The following ADD3 variants were observed in gnomAD, a reference collection of about 807,000 sequenced individuals.
ADD3 encodes the protein gamma-adducin.
In ADD3, 25 loss-of-function variants were observed where a neutral mutation model predicts 80.2. The ratio of observed to expected loss-of-function variants is 0.31; its 90% CI spans 0.23 to 0.44. The LOEUF (loss-of-function observed/expected upper bound fraction) is 0.44, where lower values mean the gene tolerates loss of function less well. ADD3 is among the 20% of genes least tolerant of loss of function. The pLI, the probability that ADD3 is intolerant of heterozygous loss-of-function variation, is 1.00. For synonymous variants in ADD3, 284 were observed against 289.6 expected (o/e 0.98, Z 0.20); for missense variants, 829 against 847.5 (o/e 0.98, Z 0.27).
intron 1 of ADD3, among the ~76,000 whole-genome samples, chr10:110,026,615 G>C (rs1450285232): frequency 6.6e-6 from 1 of 152,058 alleles, no homozygotes. Flanking sequence ...TAGGACCCAG[G>C]TACAAGGTCA....
intron 1 of ADD3, among the ~76,000 whole-genome samples, chr10:110,075,231 T>C (rs773444907): frequency 4.6e-5 from 7 of 152,206 alleles, no homozygotes; most frequent in Non-Finnish European, 1.0e-4. Context: ...ATACTAAATC[T>C]GATATCATTG....
chr10:110,014,112 T>C (rs1022970573), intron 1 of ADD3, among the ~76,000 whole-genome samples: 1 of 152,212 alleles, frequency 6.6e-6, no homozygotes, highest in Admixed American at 6.5e-5. Context: ...AGAAGATAGT[T>C]AGGCTTACTT....
chr10:110,122,255 T>C lies in ADD3; in HGVS notation c.1106T>C (p.Ile369Thr). The change falls in exon 9 of 15, where the codon ATT becomes ACT. Residue 369 changes from isoleucine to threonine, a missense_variant. Physicochemically the swap from Ile to Thr is moderately conservative, Grantham distance 89. Transcript: ENST00000356080. ...GSHQKWKVGE[I>T]EFEGLMRTLD... is the part of the protein sequence containing the mutation. Reference sequence around the variant, plus strand: ...CATCAAAAATGGAAGGTTGGCGAAATTGAGTTTGAAGGGCTTATGAGGACT... The same window carrying C: ...CATCAAAAATGGAAGGTTGGCGAAACTGAGTTTGAAGGGCTTATGAGGACT... 1.2e-6 allele frequency: 2 copies of C among 1,614,092 alleles called. No individual in the cohort carries two copies. The highest frequency in any genetic ancestry group is 1.7e-6 in the Non-Finnish European group (2 of 1,179,978).
rs554118105 is a variant in ADD3 at position 110,097,229 on chromosome 10, C to T, written c.-29-3396C>T. ...ATGTATGACTGTTTTTGTTTAATAG[C>T]TCAGGTATTGTTTGGGGGTTTTCTT... On this transcript the variant is annotated intron_variant, in intron 1 of 14. Transcript: ENST00000356080. Among the ~76,000 whole-genome samples the T allele has an allele frequency of 9.9e-5, 15 of 152,170 alleles. No individual in the cohort carries two copies. In the South Asian group the frequency reaches 2.9e-3, roughly 29 times the overall value.
At chr10:110,032,646 T>G (rs1855182350) in intron 1 of ADD3, among the ~76,000 whole-genome samples, 1 of 152,174 alleles carries the variant, frequency 6.6e-6, no homozygotes. Flanking sequence ...TGGTGTGGAT[T>G]CAGCTTTCTC....
At chr10:110,118,121 G>A (rs1851016664) in intron 5 of ADD3, among the ~76,000 whole-genome samples, 1 of 150,472 alleles carries the variant, frequency 6.6e-6, no homozygotes, top group South Asian at 2.1e-4. Context: ...ATGAGTATAG[G>A]ATCTGACCTT....
At chr10:110,082,067 A>G (rs943355728) in intron 1 of ADD3, among the ~76,000 whole-genome samples, 1 of 152,214 alleles carries the variant, frequency 6.6e-6, no homozygotes, top group Non-Finnish European at 1.5e-5. Flanking sequence ...GGAGCCCAGC[A>G]TTTGGCTAGG....
upstream of ADD3, among the ~76,000 whole-genome samples, chr10:110,005,118 A>G (rs1315332697): frequency 6.6e-6 from 1 of 152,130 alleles, no homozygotes. Context: ...GCTGGAGTGC[A>G]GTGGCGCGAT....
At position 110,032,816 on chromosome 10, in the gene ADD3, GT is replaced by G. The variant is rs757751470; in HGVS notation, c.-30+24522del. Among the ~76,000 whole-genome samples the G allele has an allele frequency of 1.1e-4, 16 of 152,228 alleles. 1 individual carries two copies. The highest frequency in any genetic ancestry group is 2.1e-4 in the Non-Finnish European group (14 of 68,012). The stretch of plus-strand genomic sequence containing the variant: ...CATATGCTGTATACATGTTGTTATT[GT>G]TTTTATACTGTTAATTATTTCTCTT... On this transcript the variant is annotated intron_variant, in intron 1 of 14. Coordinates refer to ENST00000356080, the MANE Select transcript of ADD3 (RefSeq NM_016824.5).
intron 1 of ADD3, among the ~76,000 whole-genome samples, chr10:110,071,358 C>A (rs1292400156): frequency 6.6e-6 from 1 of 152,124 alleles, no homozygotes; most frequent in African/African-American, 2.4e-5. Flanking sequence ...CTATAATCAA[C>A]AGTAATGTAT....
At chr10:110,094,973 A>G (rs1320264779) in intron 1 of ADD3, among the ~76,000 whole-genome samples, 5 of 152,254 alleles carry the variant, frequency 3.3e-5, no homozygotes, top group African/African-American at 1.2e-4. Context: ...CAAACTGCCA[A>G]GAATTTTAAG....
intron 1 of ADD3, among the ~76,000 whole-genome samples, chr10:110,091,048 G>C (rs1157355334): frequency 6.6e-6 from 1 of 152,208 alleles, no homozygotes; most frequent in Non-Finnish European, 1.5e-5. Context: ...GACAATTCCA[G>C]CAGTAGGCCA....
chr10:110,023,479 A>G (rs1006760270), intron 1 of ADD3, among the ~76,000 whole-genome samples: 5 of 152,222 alleles, frequency 3.3e-5, no homozygotes, highest in African/African-American at 1.2e-4. Flanking sequence ...GGAATGGGAC[A>G]TTTTGGAGGC....
At chr10:110,129,133 T>TCTTC (rs1283672384) in intron 12 of ADD3, among the ~76,000 whole-genome samples, 1 of 150,404 alleles carries the variant, frequency 6.6e-6, no homozygotes, top group East Asian at 1.9e-4. Flanking sequence ...AGTTAGTTTT[T>TCTTC]CTTTCTTTCT....
rs570479106 is a variant in ADD3, at chr10:110,008,995, A to G, written c.-30+696A>G. On this transcript the variant is annotated intron_variant, in intron 1 of 14. Coordinates refer to ENST00000356080, the MANE Select transcript of ADD3 (RefSeq NM_016824.5). ...AGCCTCTTTGGAGGTAGGCTATTAT[A>G]GCTTAGGCAAGACCACAGACAGGTA... is the stretch of plus-strand genomic sequence containing the variant. Among the ~76,000 whole-genome samples the G allele has an allele frequency of 3.9e-5, 6 of 152,310 alleles. No individual in the cohort carries two copies. The South Asian group carries it at 1.0e-3, about 26-fold the overall frequency.
At chr10:110,034,754 C>T (rs1011318270) in intron 1 of ADD3, among the ~76,000 whole-genome samples, 2 of 152,126 alleles carry the variant, frequency 1.3e-5, no homozygotes, top group African/African-American at 4.8e-5. Flanking sequence ...AAAATGACAT[C>T]TGAGAATGTT....
upstream of ADD3, among the ~76,000 whole-genome samples, chr10:110,007,388 G>T (rs1851726533): frequency 1.3e-5 from 2 of 152,224 alleles, no homozygotes. Flanking sequence ...GGCGTGCGGA[G>T]GTTGAACCTT....
chr10:110,116,145 G>T, intron 3 of ADD3, 114 bp from the exon 4 acceptor site: 8 of 949,556 alleles, frequency 8.4e-6, no homozygotes, highest in Non-Finnish European at 1.3e-5. Context: ...ATAAATTTCA[G>T]ATTATTATAT....
At chr10:110,013,056 T>G (rs1852516854) in intron 1 of ADD3, among the ~76,000 whole-genome samples, 1 of 152,242 alleles carries the variant, frequency 6.6e-6, no homozygotes, top group Non-Finnish European at 1.5e-5. Flanking sequence ...GCATTTAAGA[T>G]GACTACCTCT....
Sources: gnomAD v4.1 joint callset for allele counts (sites outside exome capture counted in the v4.1 genomes callset) on GRCh38, gnomAD v4.1.1 for gene constraint, MANE v1.5 for transcripts, NCBI Gene and HGNC (gene_info 2026-07-23, HGNC 2026-07-21) for gene names.